Variants in CARM1 observed in about 807,000 individuals in gnomAD.
CARM1 encodes the protein histone-arginine methyltransferase CARM1.
A neutral mutation model predicts 72.7 loss-of-function variants in CARM1; 14 were observed. The observed-to-expected ratio is 0.19, with a 90% CI of 0.13 to 0.30. The LOEUF (loss-of-function observed/expected upper bound fraction) is 0.30, where lower values mean the gene tolerates loss of function less well. CARM1 is among the 10% of genes least tolerant of loss of function. The pLI is 1.00. For missense variants in CARM1, 432 were observed against 833.7 expected, an observed-to-expected ratio of 0.52 and a Z score of 5.93; for synonymous variants, 333 against 345.5, an observed-to-expected ratio of 0.96 and a Z score of 0.40.
intron 1 of CARM1, among the ~76,000 whole-genome samples, chr19:10,881,178 C>T (rs573529001): frequency 1.3e-5 from 2 of 152,050 alleles, no homozygotes; most frequent in East Asian, 1.9e-4. Flanking sequence ...AAAAAAAATG[C>T]TTCTTGCTTG....
intron 1 of CARM1, among the ~76,000 whole-genome samples, chr19:10,879,397 C>T (rs1371988782): frequency 6.6e-6 from 1 of 152,178 alleles, no homozygotes; most frequent in Non-Finnish European, 1.5e-5. Flanking sequence ...TTTAGGGTTC[C>T]AGTTTCCATG....
chr19:10,897,389 C>T (rs2074032137), intron 1 of CARM1, among the ~76,000 whole-genome samples: 2 of 152,116 alleles, frequency 1.3e-5, no homozygotes, highest in African/African-American at 2.4e-5. Flanking sequence ...AGGCCTGGCT[C>T]ATGGCAGCTG....
At position 10,916,587 on chromosome 19, in the gene CARM1, T is replaced by C; in HGVS notation, c.938+90T>C. On this transcript the variant is annotated intron_variant, in intron 7 of 15. Coordinates refer to ENST00000327064, the MANE Select transcript of CARM1 (RefSeq NM_199141.2). This position sits in a 1 kb window ranked among gnomAD's most constrained non-coding sequence, Gnocchi z 4.4. Reference sequence around the variant, plus strand: ...CCCCAGAGAGCCTGCACTCCTCTTTTTCTGAAAGACTTGGGCTAGATGAGG... The same window carrying C: ...CCCCAGAGAGCCTGCACTCCTCTTTCTCTGAAAGACTTGGGCTAGATGAGG... 7.1e-7 allele frequency: 1 copy of C among 1,405,634 alleles called. No homozygotes were observed. The highest frequency in any genetic ancestry group is 9.9e-7 in the Non-Finnish European group (1 of 1,005,490). The allele number at this position is 1,405,634 out of a possible 1,614,324, so 87.1% of individuals were successfully genotyped here.
intron 1 of CARM1, among the ~76,000 whole-genome samples, chr19:10,880,650 C>T (rs1022983944): frequency 3.9e-5 from 6 of 152,024 alleles, no homozygotes; most frequent in South Asian, 2.1e-4. Flanking sequence ...ATGGCAGCCA[C>T]GGCTCCAGAG....
chr19:10,898,544 C>T (rs1314277650), intron 1 of CARM1, among the ~76,000 whole-genome samples: 1 of 152,240 alleles, frequency 6.6e-6, no homozygotes, highest in Non-Finnish European at 1.5e-5. Flanking sequence ...ATCCTGGGGT[C>T]CTGCCCCCTT....
intron 1 of CARM1, among the ~76,000 whole-genome samples, chr19:10,903,434 T>G (rs2074080550): frequency 6.6e-6 from 1 of 152,254 alleles, no homozygotes; most frequent in African/African-American, 2.4e-5. Flanking sequence ...CATGGGAATT[T>G]GCCATAAATA....
intron 1 of CARM1, among the ~76,000 whole-genome samples, chr19:10,888,911 G>A (rs766099217): frequency 2.0e-5 from 3 of 152,212 alleles, no homozygotes; most frequent in African/African-American, 7.2e-5. Context: ...CAACTGAGCA[G>A]ACTGTCACCC....
At chr19:10,877,859 C>T (rs765072220) in intron 1 of CARM1, among the ~76,000 whole-genome samples, 33 of 152,232 alleles carry the variant, frequency 2.2e-4, no homozygotes, top group Non-Finnish European at 4.0e-4. Flanking sequence ...TCCCGAGTAG[C>T]TGGGATTACA....
At chr19:10,875,977 C>T (rs1231466364) in intron 1 of CARM1, among the ~76,000 whole-genome samples, 1 of 151,794 alleles carries the variant, frequency 6.6e-6, no homozygotes, top group Non-Finnish European at 1.5e-5. Flanking sequence ...AGCGATTCGC[C>T]TGCTTTGGCC....
Position 10,923,044 on chromosome 19 carries a change from T to G in CARM1, c.*1287T>G. On this transcript the variant is annotated 3_prime_UTR_variant, in exon 16 of 16. Transcript: ENST00000327064. ...ATAAATTCTCTGAATCACCTTTGCA[T>G]AGAAAATAAAAGTGTTTGCTTTGTA... The G allele has an allele frequency of 2.2e-6, 1 of 448,154 alleles. No individual in the cohort carries two copies. The highest frequency in any genetic ancestry group is 3.9e-6 in the Non-Finnish European group (1 of 254,842). The allele number at this position is 448,154 out of a possible 1,614,324, so 27.8% of individuals were successfully genotyped here.
intron 1 of CARM1, among the ~76,000 whole-genome samples, chr19:10,880,435 A>G (rs2146302227): frequency 6.6e-6 from 1 of 151,200 alleles, no homozygotes; most frequent in Non-Finnish European, 1.5e-5. Flanking sequence ...AGCCTTGAAC[A>G]CCCAGGCTCA....
Position 10,921,030 on chromosome 19 carries a change from G to C in CARM1, c.1538-20G>C. 1 of 1,613,808 alleles carries C rather than the reference G, an allele frequency of 6.2e-7. No homozygotes were observed. On this transcript the variant is annotated intron_variant, in intron 13 of 15. Transcript: ENST00000327064. Reference sequence around the variant, plus strand: ...TGGCCCCTCTGCCTCCAGCCCTGACGTCTCCCTCTCTGGACACAGGGATGC... The same window carrying C: ...TGGCCCCTCTGCCTCCAGCCCTGACCTCTCCCTCTCTGGACACAGGGATGC...
chr19:10,872,228 G>A (rs1445346295), intron 1 of CARM1, among the ~76,000 whole-genome samples: 1 of 151,800 alleles, frequency 6.6e-6, no homozygotes, highest in South Asian at 2.1e-4. Context: ...TGAGTGGAAG[G>A]GGAATTTGGA....
At chr19:10,889,572 G>A (rs867812339) in intron 1 of CARM1, among the ~76,000 whole-genome samples, 17 of 149,068 alleles carry the variant, frequency 1.1e-4, no homozygotes, top group South Asian at 4.2e-4. Context: ...CAGGTGATCC[G>A]CCTGCCTCAG....
intron 1 of CARM1, among the ~76,000 whole-genome samples, chr19:10,879,520 A>G (rs929105292): frequency 9.2e-5 from 14 of 152,172 alleles, no homozygotes; most frequent in African/African-American, 3.4e-4. Flanking sequence ...CCAGTGGGCC[A>G]GGGCTGGAGA....
chr19:10,871,977 C>G lies in CARM1; in HGVS notation c.220+55C>G, dbSNP rs1191016473. The G allele has an allele frequency of 7.8e-6, 9 of 1,159,522 alleles. No individual in the cohort carries two copies. In the Admixed American group the frequency reaches 2.3e-4, roughly 30 times the overall value. 71.8% of individuals were successfully genotyped at this position (1,159,522 alleles called of 1,614,324 possible). ...GGCCGGGGCTGCTCACGAGGCCGGC[C>G]CGGGGCGGGGGCCGGCGGGGAGGGG... On this transcript the variant is annotated intron_variant, in intron 1 of 15. Coordinates refer to ENST00000327064, the MANE Select transcript of CARM1 (RefSeq NM_199141.2). This position sits in a 1 kb window ranked among gnomAD's most constrained non-coding sequence, Gnocchi z 5.6.
intron 1 of CARM1, among the ~76,000 whole-genome samples, chr19:10,904,261 C>T (rs12971616): frequency 0.21 from 32,724 of 152,238 alleles, 3,771 homozygotes; most frequent in Middle Eastern, 0.31. Context: ...ACAGATGATG[C>T]ACCTGTCCCA....
intron 8 of CARM1, 195 bp from the exon 9 acceptor site, chr19:10,919,397 GTCA>G (rs2074222516): frequency 1.8e-6 from 1 of 569,876 alleles, no homozygotes; most frequent in Non-Finnish European, 3.1e-6. Flanking sequence ...ATAAACACTT[GTCA>G]TTTGGAGAGC....
rs1599711597 is a variant in CARM1, at chr19:10,919,667, G to A, written c.1093G>A (p.Gly365Arg). Reference protein sequence around the residue: ...YTVNFLEAKEGDLHRIEIPFK... With the variant: ...YTVNFLEAKERDLHRIEIPFK... Reference sequence around the variant, plus strand: ...GGTGAACTTCTTAGAAGCCAAAGAAGGAGATTTGCACAGGTACTGGCACCC... The same window carrying A: ...GGTGAACTTCTTAGAAGCCAAAGAAAGAGATTTGCACAGGTACTGGCACCC... Residue 365 changes from glycine (G) to arginine (R), a missense_variant, in exon 9 of 16, where the codon GGA (glycine) becomes AGA (arginine). Gly to Arg is a moderately radical substitution (Grantham distance 125, BLOSUM62 -2). Transcript: ENST00000327064. 1 of 1,613,796 alleles carries A rather than the reference G, an allele frequency of 6.2e-7. No homozygotes were observed. The highest frequency in any genetic ancestry group is 8.5e-7 in the Non-Finnish European group (1 of 1,179,630).
Sources: allele counts gnomAD v4.1 joint callset (sites outside exome capture counted in the v4.1 genomes callset), GRCh38; gene constraint gnomAD v4.1.1; non-coding constraint Gnocchi (gnomAD v3.1); transcripts MANE v1.5; gene names NCBI Gene and HGNC (gene_info 2026-07-23, HGNC 2026-07-21).